Variants in AOPEP observed in about 807,000 individuals in gnomAD.
AOPEP encodes aminopeptidase O.
AOPEP carries 77 observed loss-of-function variants against 98.1 expected under a neutral mutation model. The observed-to-expected ratio is 0.78, with a 90% CI of 0.65 to 0.95. AOPEP has a LOEUF of 0.95. Among genes scored for constraint, AOPEP ranks in the 40% least tolerant of loss-of-function variants. The pLI, the probability that AOPEP is intolerant of heterozygous loss-of-function variation, is 0.00. For missense variants in AOPEP, 1,024 were observed against 1,024.7 expected (o/e 1.00, Z 0.01); for synonymous variants, 346 against 365.3 (o/e 0.95, Z 0.60).
At chr9:95,068,952 C>G (rs2068199161) in intron 14 of AOPEP, among the ~76,000 whole-genome samples, 1 of 152,042 alleles carries the variant, frequency 6.6e-6, no homozygotes, top group Admixed American at 6.6e-5. Context: ...TGTGCGTGGC[C>G]CTTCTCAAGG....
intron 10 of AOPEP, among the ~76,000 whole-genome samples, chr9:94,976,654 C>CCT (rs1554790435): frequency 1.5e-5 from 2 of 136,254 alleles, no homozygotes; most frequent in African/African-American, 5.4e-5. Context: ...AAGACAGCCT[C>CCT]TTTTTTTTTT....
At chr9:95,116,960 C>T in the AOPEP span, among the ~76,000 whole-genome samples, 1 of 152,216 alleles carries the variant, frequency 6.6e-6, no homozygotes, top group East Asian at 1.9e-4. Flanking sequence ...GAAAAGCAAA[C>T]GAATGTACTG....
chr9:95,061,061 G>C (rs2067276860), intron 14 of AOPEP: 1 of 353,128 alleles, frequency 2.8e-6, no homozygotes, highest in East Asian at 5.5e-5. Context: ...AAAGGAATGA[G>C]TGGAATGTTT....
Position 94,955,013 on chromosome 9 carries a change from C to T in AOPEP, c.1662-164C>T, listed in dbSNP as rs370239392. On this transcript the variant is annotated intron_variant, in intron 7 of 16. Coordinates refer to ENST00000375315, the MANE Select transcript of AOPEP (RefSeq NM_001193329.3). The stretch of plus-strand genomic sequence containing the variant: ...AGGTTCCCAACCCAAATATAAATCC[C>T]GTAGACGAGTATGTAATACAAACTG... 3.2e-4 allele frequency among the ~76,000 whole-genome samples: 49 copies of T among 152,196 alleles called. No homozygotes were observed. The South Asian group carries it at 8.9e-3, about 28-fold the overall frequency.
intron 5 of AOPEP, among the ~76,000 whole-genome samples, chr9:94,891,887 A>C (rs1469310728): frequency 2.0e-5 from 3 of 152,160 alleles, no homozygotes; most frequent in African/African-American, 7.2e-5. Flanking sequence ...CTATTCTTTA[A>C]AGGTGGGTCT....
At chr9:94,895,037 ACTCT>A (rs908068132) in intron 5 of AOPEP, among the ~76,000 whole-genome samples, 1 of 150,936 alleles carries the variant, frequency 6.6e-6, no homozygotes, top group African/African-American at 2.5e-5. Context: ...TGTTATGTAA[ACTCT>A]CTCTCTGTGT....
At chr9:94,937,203 G>C (rs940832302) in intron 7 of AOPEP, among the ~76,000 whole-genome samples, 3 of 152,206 alleles carry the variant, frequency 2.0e-5, no homozygotes, top group African/African-American at 7.2e-5. Flanking sequence ...GGGGCTGCTA[G>C]CCACCCATCA....
intron 13 of AOPEP, chr9:95,056,532 A>G (rs1004986158): frequency 6.6e-6 from 1 of 152,242 alleles, no homozygotes; most frequent in Non-Finnish European, 1.5e-5. Context: ...GGGAGCACAG[A>G]GTGAGTGATG....
At chr9:94,940,609 A>T (rs180999673) in intron 7 of AOPEP, among the ~76,000 whole-genome samples, 11 of 152,224 alleles carry the variant, frequency 7.2e-5, no homozygotes, top group African/African-American at 2.6e-4. Context: ...ATAAATAAAT[A>T]AATAATAAAA....
At chr9:94,744,529 C>G (rs534145056) in intron 1 of AOPEP, among the ~76,000 whole-genome samples, 32 of 151,534 alleles carry the variant, frequency 2.1e-4, no homozygotes, top group Admixed American at 5.9e-4. Flanking sequence ...GGAGAAACCC[C>G]GTCTCTAGTA....
At chr9:94,953,177 A>G (rs984643210) in intron 7 of AOPEP, among the ~76,000 whole-genome samples, 2 of 152,198 alleles carry the variant, frequency 1.3e-5, no homozygotes, top group Admixed American at 1.3e-4. Flanking sequence ...TATCAAAGCT[A>G]GTGTGGCTTT....
At chr9:94,933,227 C>G in intron 7 of AOPEP, 1 of 985,660 alleles carries the variant, frequency 1.0e-6, no homozygotes, top group Non-Finnish European at 1.2e-6. Context: ...ATGGCAGCTT[C>G]CGAAAGGCTC....
chr9:94,908,933 T>C (rs1231868731), intron 5 of AOPEP, among the ~76,000 whole-genome samples: 4 of 152,234 alleles, frequency 2.6e-5, no homozygotes, highest in Non-Finnish European at 2.9e-5. Flanking sequence ...AAAATAACTT[T>C]GTCATTTCTC....
rs558644921 is a variant in AOPEP at position 94,939,408 on chromosome 9, G to A, written c.1661+10877G>A. On this transcript the variant is annotated intron_variant, in intron 7 of 16. Coordinates refer to ENST00000375315, the MANE Select transcript of AOPEP (RefSeq NM_001193329.3). Reference sequence around the variant, plus strand: ...AGACAACAGCCCATGTTCCTCCTTGGCCAAGGTCTGGTTGATCCTGCCTCG... The same window carrying A: ...AGACAACAGCCCATGTTCCTCCTTGACCAAGGTCTGGTTGATCCTGCCTCG... Among the ~76,000 whole-genome samples the A allele has an allele frequency of 3.3e-5, 5 of 152,212 alleles. No homozygotes were observed. In the East Asian group the frequency reaches 9.7e-4, roughly 29 times the overall value.
At chr9:94,804,237 A>G (rs1170397695) in intron 5 of AOPEP, among the ~76,000 whole-genome samples, 1 of 152,134 alleles carries the variant, frequency 6.6e-6, no homozygotes, top group Admixed American at 6.5e-5. Flanking sequence ...AAAAATTAAC[A>G]CCTTAATCTT....
At chr9:94,897,021 T>C (rs1564341805) in intron 5 of AOPEP, among the ~76,000 whole-genome samples, 2 of 151,838 alleles carry the variant, frequency 1.3e-5, no homozygotes, top group South Asian at 2.1e-4. Flanking sequence ...ACATAAGGTG[T>C]ATAGTTTGTC....
At chr9:94,771,401 A>C (rs1840840382) in intron 2 of AOPEP, among the ~76,000 whole-genome samples, 2 of 152,180 alleles carry the variant, frequency 1.3e-5, no homozygotes, top group South Asian at 4.1e-4. Flanking sequence ...CAGGTGGTAC[A>C]AAGGTGTTTA....
intron 5 of AOPEP, among the ~76,000 whole-genome samples, chr9:94,917,352 A>G (rs929583414): frequency 6.6e-6 from 1 of 152,158 alleles, no homozygotes; most frequent in African/African-American, 2.4e-5. Flanking sequence ...TCCTGCTAGC[A>G]ATAGGCCACA....
intron 2 of AOPEP, among the ~76,000 whole-genome samples, chr9:94,761,537 A>G (rs1472940860): frequency 6.6e-6 from 1 of 152,146 alleles, no homozygotes; most frequent in Non-Finnish European, 1.5e-5. Context: ...TCCTTAATTG[A>G]AGCAGTGGTC....
Sources: gnomAD v4.1 joint callset for allele counts (sites outside exome capture counted in the v4.1 genomes callset) on GRCh38, gnomAD v4.1.1 for gene constraint, MANE v1.5 for transcripts, NCBI Gene and HGNC (gene_info 2026-07-23, HGNC 2026-07-21) for gene names.